Variants in RALYL observed in about 807,000 individuals in gnomAD.
RALYL encodes the protein RALY RNA binding protein like, also known as RNA-binding Raly-like protein.
In RALYL, 29 loss-of-function variants were observed where a neutral mutation model predicts 35.1. That is an observed-to-expected ratio of 0.83 (90% confidence interval 0.61 to 1.13). The LOEUF is 1.13. Among genes scored for constraint, RALYL ranks in the 50% most tolerant of loss-of-function variants. The probability of loss-of-function intolerance (pLI) is 0.00; values close to 1 mark genes in which losing one functional copy is unlikely to be tolerated. For missense variants in RALYL, 359 were observed against 360.4 expected, an observed-to-expected ratio of 1.00 and a Z score of 0.03; for synonymous variants, 120 against 127.6, an observed-to-expected ratio of 0.94 and a Z score of 0.40.
intron 1 of RALYL, among the ~76,000 whole-genome samples, chr8:84,258,031 G>A (rs976359546): frequency 6.6e-6 from 1 of 152,078 alleles, no homozygotes; most frequent in Non-Finnish European, 1.5e-5. Flanking sequence ...GTATCTACAC[G>A]AAAATTCTAG....
chr8:84,621,521 G>A (rs950091374), intron 2 of RALYL, among the ~76,000 whole-genome samples: 5 of 152,066 alleles, frequency 3.3e-5, no homozygotes, highest in South Asian at 2.1e-4. Context: ...AGATGAACCC[G>A]GTACCTCAGA....
chr8:84,681,202 T>G (rs1197984673), intron 2 of RALYL, among the ~76,000 whole-genome samples: 2 of 152,214 alleles, frequency 1.3e-5, no homozygotes, highest in Non-Finnish European at 2.9e-5. Flanking sequence ...TCTGTTCCAT[T>G]GGTCTATATC....
At chr8:84,302,914 A>G (rs1841084794) in intron 1 of RALYL, among the ~76,000 whole-genome samples, 1 of 152,232 alleles carries the variant, frequency 6.6e-6, no homozygotes, top group South Asian at 2.1e-4. Context: ...AGACACCCAA[A>G]GGACTTGCAG....
chr8:84,262,655 A>T (rs1586625623), intron 1 of RALYL, among the ~76,000 whole-genome samples: 1 of 152,272 alleles, frequency 6.6e-6, no homozygotes, highest in African/African-American at 2.4e-5. Context: ...TTACATTCTT[A>T]GGTGAATTAT....
chr8:84,371,855 A>T (rs1350661014), intron 1 of RALYL, among the ~76,000 whole-genome samples: 1 of 152,128 alleles, frequency 6.6e-6, no homozygotes, highest in African/African-American at 2.4e-5. Context: ...ATAGAGAGAC[A>T]GCACTGATGA....
intron 2 of RALYL, among the ~76,000 whole-genome samples, chr8:84,773,881 G>T (rs764271479): frequency 6.6e-6 from 1 of 152,110 alleles, no homozygotes; most frequent in African/African-American, 2.4e-5. Context: ...AATTCTTAGC[G>T]AAAAATGAAA....
At chr8:84,909,894 C>A (rs1350315555) in intron 8 of RALYL, among the ~76,000 whole-genome samples, 1 of 152,048 alleles carries the variant, frequency 6.6e-6, no homozygotes, top group Non-Finnish European at 1.5e-5. Flanking sequence ...ATTTAAAGAA[C>A]CCAGGTATAT....
At chr8:84,797,198 A>G (rs114104082) in intron 3 of RALYL, among the ~76,000 whole-genome samples, 26 of 152,372 alleles carry the variant, frequency 1.7e-4, no homozygotes, top group African/African-American at 6.3e-4. Context: ...AACAGAGCGA[A>G]AAAGCAGATC....
intron 1 of RALYL, among the ~76,000 whole-genome samples, chr8:84,270,553 C>CGTGTGTGTGT (rs34047869): frequency 2.5e-4 from 37 of 147,354 alleles, no homozygotes; most frequent in African/African-American, 7.5e-4. Context: ...ACATGAAATT[C>CGTGTGTGTGT]GTGTGTGTGT....
intron 1 of RALYL, among the ~76,000 whole-genome samples, chr8:84,392,788 G>GA (rs1443024087): frequency 6.6e-6 from 1 of 151,688 alleles, no homozygotes; most frequent in Non-Finnish European, 1.5e-5. Flanking sequence ...GGGAGAAGAG[G>GA]AAAAAAAATC....
At chr8:84,732,273 A>G (rs965448814) in intron 2 of RALYL, among the ~76,000 whole-genome samples, 6 of 152,104 alleles carry the variant, frequency 3.9e-5, no homozygotes, top group Admixed American at 3.9e-4. Flanking sequence ...TATTCAGTAA[A>G]TATTTGTTGA....
chr8:84,723,367 G>A (rs928303718), intron 2 of RALYL, among the ~76,000 whole-genome samples: 22 of 151,878 alleles, frequency 1.4e-4, no homozygotes, highest in African/African-American at 4.6e-4. Flanking sequence ...ACTTACTGTC[G>A]ATTTGAACCT....
chr8:84,837,404 A>G (rs550406471), intron 4 of RALYL, among the ~76,000 whole-genome samples: 1 of 152,316 alleles, frequency 6.6e-6, no homozygotes, highest in South Asian at 2.1e-4. Context: ...AACACATTAA[A>G]ATGTTTCCTA....
chr8:84,226,004 G>A (rs568965973), intron 1 of RALYL, among the ~76,000 whole-genome samples: 74 of 152,278 alleles, frequency 4.9e-4, no homozygotes, highest in African/African-American at 1.8e-3. Flanking sequence ...GGTAGAGCAG[G>A]AGTTCCCAAT....
chr8:84,290,613 T>G (rs1264058675), intron 1 of RALYL, among the ~76,000 whole-genome samples: 1 of 152,242 alleles, frequency 6.6e-6, no homozygotes, highest in South Asian at 2.1e-4. Flanking sequence ...TACACTTCTT[T>G]TGTGGTGGAA....
At chr8:84,685,478 T>C (rs779576007) in intron 2 of RALYL, among the ~76,000 whole-genome samples, 3 of 152,146 alleles carry the variant, frequency 2.0e-5, no homozygotes, top group Non-Finnish European at 4.4e-5. Context: ...TTCTAGTACC[T>C]GATTCTCTCC....
intron 4 of RALYL, among the ~76,000 whole-genome samples, chr8:84,838,029 A>T (rs949568378): frequency 6.6e-6 from 1 of 152,160 alleles, no homozygotes; most frequent in African/African-American, 2.4e-5. Flanking sequence ...TTAAAGTGAG[A>T]GCGACAAAAG....
intron 4 of RALYL, among the ~76,000 whole-genome samples, chr8:84,842,016 G>A (rs988778162): frequency 1.9e-4 from 29 of 152,106 alleles, no homozygotes; most frequent in Non-Finnish European, 3.7e-4. Flanking sequence ...GAGAAAGCAG[G>A]AAAGATCTAA....
intron 3 of RALYL, among the ~76,000 whole-genome samples, chr8:84,798,743 A>G (rs1345608212): frequency 1.3e-5 from 2 of 152,236 alleles, no homozygotes; most frequent in African/African-American, 2.4e-5. Flanking sequence ...TTTTTATAAC[A>G]TGCTTTGGAT....
Sources: allele counts gnomAD v4.1 joint callset (sites outside exome capture counted in the v4.1 genomes callset), GRCh38; gene constraint gnomAD v4.1.1; transcripts MANE v1.5; gene names NCBI Gene and HGNC (gene_info 2026-07-23, HGNC 2026-07-21).